GRID1: variants seen among roughly 807,000 people sequenced by gnomAD.
The protein encoded by GRID1 is glutamate receptor ionotropic, delta-1.
GRID1 carries 28 observed loss-of-function variants against 98.0 expected under a neutral mutation model. The ratio of observed to expected loss-of-function variants is 0.29; its 90% CI spans 0.21 to 0.39. GRID1 has a LOEUF of 0.39. Ranked by LOEUF, GRID1 falls within the 10% of genes least tolerant of loss-of-function variation. The pLI is 1.00. For missense variants in GRID1, 1,111 were observed against 1,340.5 expected (o/e 0.83, Z 2.67); for synonymous variants, 553 against 538.5 (o/e 1.03, Z -0.37).
chr10:85,672,612 C>T (rs1440123568), intron 12 of GRID1, among the ~76,000 whole-genome samples: 1 of 151,930 alleles, frequency 6.6e-6, no homozygotes. Flanking sequence ...GGCCTCTGTG[C>T]TCTGTAAATG....
rs142243927 is a variant in GRID1, at chr10:85,668,958, C to T, written c.1998-21561G>A. Among the ~76,000 whole-genome samples the T allele has an allele frequency of 1.8e-4, 28 of 152,292 alleles. No homozygotes were observed. In the East Asian group the frequency reaches 5.2e-3, roughly 28 times the overall value. On this transcript the variant is annotated intron_variant, in intron 12 of 15. Coordinates refer to ENST00000327946, the MANE Select transcript of GRID1 (RefSeq NM_017551.3). ...GGAAGACAGAGAGAAAAAAAGTGACCTGCAGGACACATTGGCAACCACTGT... is the reference window on the plus strand; with the variant it reads ...GGAAGACAGAGAGAAAAAAAGTGACTTGCAGGACACATTGGCAACCACTGT...
chr10:86,349,322 G>A (rs1432923884), intron 2 of GRID1, among the ~76,000 whole-genome samples: 4 of 152,186 alleles, frequency 2.6e-5, no homozygotes, highest in Non-Finnish European at 4.4e-5. Flanking sequence ...CCAAGTTCTG[G>A]TGCACAAGCT....
At chr10:86,359,382 A>G (rs1428296764) in intron 2 of GRID1, among the ~76,000 whole-genome samples, 1 of 152,210 alleles carries the variant, frequency 6.6e-6, no homozygotes, top group African/African-American at 2.4e-5. Context: ...ATGTCTAGAT[A>G]CCAGTGTGGC....
intron 4 of GRID1, among the ~76,000 whole-genome samples, chr10:86,118,774 A>G (rs1181094383): frequency 6.6e-6 from 1 of 152,212 alleles, no homozygotes; most frequent in Non-Finnish European, 1.5e-5. Flanking sequence ...GTGTGATGAG[A>G]ATGGCACTAC....
intron 4 of GRID1, among the ~76,000 whole-genome samples, chr10:85,963,503 G>C (rs772026392): frequency 8.6e-5 from 13 of 152,046 alleles, no homozygotes; most frequent in Non-Finnish European, 1.8e-4. Flanking sequence ...CTCTGCTAAG[G>C]CTCTCATAGC....
chr10:85,716,607 T>C (rs1841642604), intron 12 of GRID1, among the ~76,000 whole-genome samples: 1 of 149,006 alleles, frequency 6.7e-6, no homozygotes, highest in South Asian at 2.1e-4. Context: ...ATTATATATG[T>C]ACATATATAA....
At chr10:85,679,372 A>G (rs1374103232) in intron 12 of GRID1, among the ~76,000 whole-genome samples, 1 of 152,108 alleles carries the variant, frequency 6.6e-6, no homozygotes, top group Non-Finnish European at 1.5e-5. Context: ...GAATTCACTA[A>G]CTCCCACAAT....
At position 86,239,687 on chromosome 10, in the gene GRID1, C is replaced by A. The variant is rs149472005; in HGVS notation, c.236-33039G>T. Reference sequence around the variant, plus strand: ...GTTGTTTAAAAGCAAGTAGCACCTGCTCTTGCTCTCTTCTCCCTTCTCCAG... The same window carrying A: ...GTTGTTTAAAAGCAAGTAGCACCTGATCTTGCTCTCTTCTCCCTTCTCCAG... On this transcript the variant is annotated intron_variant, in intron 2 of 15. Transcript: ENST00000327946. Among the ~76,000 whole-genome samples the A allele has an allele frequency of 1.1e-4, 16 of 152,310 alleles. No homozygotes were observed. The East Asian group carries it at 3.1e-3, about 29-fold the overall frequency.
chr10:86,098,710 G>A (rs768769958), intron 4 of GRID1, among the ~76,000 whole-genome samples: 9 of 152,154 alleles, frequency 5.9e-5, no homozygotes, highest in African/African-American at 1.7e-4. Context: ...GGTGAAAAAC[G>A]GCATCCTGTT....
chr10:85,710,828 G>C (rs973179651), intron 12 of GRID1, among the ~76,000 whole-genome samples: 1 of 152,008 alleles, frequency 6.6e-6, no homozygotes, highest in African/African-American at 2.4e-5. Context: ...CTCCAAAGGA[G>C]ATATGCAAAT....
At chr10:85,833,583 G>T (rs1842887930) in intron 8 of GRID1, among the ~76,000 whole-genome samples, 1 of 149,952 alleles carries the variant, frequency 6.7e-6, no homozygotes, top group Middle Eastern at 3.5e-3. Flanking sequence ...ATATCACAAT[G>T]TTCAAGATAT....
chr10:85,657,245 C>A (rs1019165542), intron 12 of GRID1, among the ~76,000 whole-genome samples: 3 of 152,154 alleles, frequency 2.0e-5, no homozygotes, highest in Non-Finnish European at 4.4e-5. Flanking sequence ...AAAAAAATCA[C>A]AACTTGACAT....
At chr10:85,670,820 T>C (rs1841077084) in intron 12 of GRID1, among the ~76,000 whole-genome samples, 1 of 152,192 alleles carries the variant, frequency 6.6e-6, no homozygotes. Context: ...TTTTCATTGC[T>C]TATTGCAAAT....
chr10:85,994,468 T>A (rs1181514028), intron 4 of GRID1, among the ~76,000 whole-genome samples: 1 of 152,212 alleles, frequency 6.6e-6, no homozygotes, highest in Non-Finnish European at 1.5e-5. Flanking sequence ...ATCACACACC[T>A]GGAATTAGAT....
chr10:86,336,993 C>T (rs11201984), intron 2 of GRID1, among the ~76,000 whole-genome samples: 40,166 of 151,586 alleles, frequency 0.26, 7,610 homozygotes, highest in African/African-American at 0.52. Context: ...TACAGGCGCC[C>T]GCCACCAGGA....
At chr10:85,985,656 C>T (rs1444343477) in intron 4 of GRID1, among the ~76,000 whole-genome samples, 1 of 152,204 alleles carries the variant, frequency 6.6e-6, no homozygotes. Context: ...CACTCACAGT[C>T]ACCTCCTGGT....
chr10:86,363,218 G>T (rs1404480893), intron 2 of GRID1, among the ~76,000 whole-genome samples: 2 of 152,262 alleles, frequency 1.3e-5, no homozygotes, highest in Non-Finnish European at 2.9e-5. Flanking sequence ...GGCCCGACCG[G>T]AGGCAGTGGC....
intron 2 of GRID1, among the ~76,000 whole-genome samples, chr10:86,236,291 TATAAA>T (rs1846535927): frequency 6.6e-6 from 1 of 152,254 alleles, no homozygotes; most frequent in Admixed American, 6.5e-5. Context: ...AGAAATTCAT[TATAAA>T]ATATGTGATT....
At chr10:85,651,800 T>A (rs1295254277) in intron 12 of GRID1, among the ~76,000 whole-genome samples, 1 of 152,242 alleles carries the variant, frequency 6.6e-6, no homozygotes, top group Non-Finnish European at 1.5e-5. Context: ...TGTGTATCAC[T>A]TGAGCCTCAC....
Sources: gnomAD v4.1 joint callset for allele counts (sites outside exome capture counted in the v4.1 genomes callset) on GRCh38, gnomAD v4.1.1 for gene constraint, MANE v1.5 for transcripts, NCBI Gene and HGNC (gene_info 2026-07-23, HGNC 2026-07-21) for gene names.